Variants in NFKBIZ observed in about 807,000 individuals in gnomAD.
NFKBIZ encodes NFKB inhibitor zeta.
A neutral mutation model predicts 76.8 loss-of-function variants in NFKBIZ; 19 were observed. The observed-to-expected ratio is 0.25, with a 90% CI of 0.17 to 0.36. The LOEUF (loss-of-function observed/expected upper bound fraction) is 0.36, where lower values mean the gene tolerates loss of function less well. Ranked by LOEUF, NFKBIZ falls within the 10% of genes least tolerant of loss-of-function variation. The pLI is 1.00. For synonymous variants in NFKBIZ, 368 were observed against 354.8 expected (o/e 1.04, Z -0.42); for missense variants, 829 against 910.9 (o/e 0.91, Z 1.16).
At chr3:101,849,390 A>AT (rs2107410660), upstream of NFKBIZ, 1 of 353,728 alleles carries the variant, frequency 2.8e-6, no homozygotes, top group East Asian at 4.3e-5. Context: ...TTTACTGGAA[A>AT]TCGGACGCAT....
chr3:101,835,249 A>G (rs573326030), intron 2 of NFKBIZ, among the ~76,000 whole-genome samples: 53 of 152,300 alleles, frequency 3.5e-4, no homozygotes, highest in Middle Eastern at 6.8e-3. Context: ...GGTTTGTTTA[A>G]CTTCAGAACC....
chr3:101,853,779 T>C lies in NFKBIZ; in HGVS notation c.1253T>C (p.Phe418Ser). Residue 418 changes from phenylalanine (F) to serine (S), a missense_variant, in exon 5 of 12, where the codon TTT becomes TCT. Physicochemically the swap from Phe to Ser is radical, Grantham distance 155. Transcript: ENST00000326172. ...MNTTQLGKSL[F>S]QWQVEQEESK... ...ACCACACAGTTAGGGAAATCACTTT[T>C]TCAGTGGCAGGTGGAGCAGGAAGAA... 2 of 1,614,140 alleles carry C rather than the reference T, an allele frequency of 1.2e-6. No homozygotes were observed. Among genetic ancestry groups the C allele is most frequent in the Non-Finnish European group, 1.7e-6 (2 of 1,180,034 alleles).
In NFKBIZ at chr3:101,853,734, A is replaced by G; in HGVS notation, c.1208A>G (p.Asn403Ser). 1 of 1,614,256 alleles carries G rather than the reference A, an allele frequency of 6.2e-7. No individual in the cohort carries two copies. The highest frequency in any genetic ancestry group is 1.7e-5 in the Admixed American group (1 of 60,034). ...DSSNTSLPFS[N>S]MGNPMNTTQL... Reference sequence around the variant, plus strand: ...TCAAACACTTCACTGCCATTCTCAAACATGGGAAATCCAATGAACACCACA... The same window carrying G: ...TCAAACACTTCACTGCCATTCTCAAGCATGGGAAATCCAATGAACACCACA... Residue 403 changes from asparagine to serine, a missense_variant, in exon 5 of 12, where the codon AAC becomes AGC. Physicochemically the swap from Asn to Ser is conservative, Grantham distance 46. Transcript: ENST00000326172.
intron 2 of NFKBIZ, chr3:101,829,709 T>C (rs1281073730): frequency 2.0e-5 from 3 of 152,164 alleles, no homozygotes; most frequent in Non-Finnish European, 4.4e-5. Flanking sequence ...CTGATATTTC[T>C]AAACAAGTAG....
In NFKBIZ at chr3:101,860,753, A is replaced by G. The variant is rs1431641355; in HGVS notation, c.*1382A>G. On this transcript the variant is annotated 3_prime_UTR_variant, in exon 12 of 12. Transcript: ENST00000326172. ...GGAATGTATTTGGCTTTGATTACAC[A>G]CTAAGTTTTTGTAATAAATTTGACT... 6.6e-6 allele frequency: 1 copy of G among 151,438 alleles called. No homozygotes were observed. Among genetic ancestry groups the G allele is most frequent in the Non-Finnish European group, 1.5e-5 (1 of 67,904 alleles). The allele number at this position is 151,438 out of a possible 1,614,324, so 9.4% of individuals were successfully genotyped here.
In NFKBIZ at chr3:101,849,877, G is replaced by C; in HGVS notation, c.249G>C (p.Glu83Asp). 6.9e-7 allele frequency: 1 copy of C among 1,452,764 alleles called. No homozygotes were observed. The highest frequency in any genetic ancestry group is 9.0e-7 in the Non-Finnish European group (1 of 1,110,746). 90.0% of individuals were successfully genotyped at this position (1,452,764 alleles called of 1,614,324 possible). Residue 83 changes from glutamate to aspartate, a missense_variant, in exon 1 of 12, where the codon GAG (glutamate) becomes GAC (aspartate). By Grantham distance (45) the Glu-to-Asp change is conservative. Transcript: ENST00000326172. ...ASSVSSCGAV[E>D]SRSRGGARAE... ...CGGTGTCCTCCTGCGGCGCCGTGGA[G>C]TCCCGGTCGAGAGGCGGCGCCCGCG... is the stretch of plus-strand genomic sequence containing the variant.
At chr3:101,855,506 A>T in intron 8 of NFKBIZ, 48 bp downstream of exon 8, 1 of 1,541,172 alleles carries the variant, frequency 6.5e-7, no homozygotes, top group African/African-American at 1.4e-5. Context: ...AGGGGGAACC[A>T]TAAGGTCTAA....
At chr3:101,835,314 T>C (rs1381888445) in intron 2 of NFKBIZ, among the ~76,000 whole-genome samples, 1 of 152,206 alleles carries the variant, frequency 6.6e-6, no homozygotes. Context: ...CTAGCTTGGG[T>C]AAAAATTTGG....
chr3:101,848,353 G>A (rs776925859), upstream of NFKBIZ, among the ~76,000 whole-genome samples: 2 of 152,080 alleles, frequency 1.3e-5, no homozygotes, highest in Admixed American at 6.5e-5. Context: ...TTAATTCTTT[G>A]CTCTTGTTCT....
chr3:101,839,158 C>T (rs1457214694), intron 2 of NFKBIZ, among the ~76,000 whole-genome samples: 1 of 152,120 alleles, frequency 6.6e-6, no homozygotes, highest in South Asian at 2.1e-4. Context: ...ACACTACTGT[C>T]CTTGTTTACA....
chr3:101,857,056 C>A lies in NFKBIZ; in HGVS notation c.1825-17C>A. ...GGATTTTTTTTTTTTTTTTTCCTCC[C>A]TCTTGCCTTTGACAAGGATCGCAAA... On this transcript the variant is annotated splice_polypyrimidine_tract_variant and intron_variant, in intron 9 of 11. Transcript: ENST00000326172. The A allele has an allele frequency of 6.4e-7, 1 of 1,562,328 alleles. No individual in the cohort carries two copies. Among genetic ancestry groups the A allele is most frequent in the Non-Finnish European group, 8.7e-7 (1 of 1,143,006 alleles).
chr3:101,857,015 C>A, intron 9 of NFKBIZ, 58 bp from the exon 10 acceptor site: 1 of 1,252,668 alleles, frequency 8.0e-7, no homozygotes, highest in Non-Finnish European at 1.1e-6. Flanking sequence ...AAAGTGTATT[C>A]TGAGGCATAG....
Position 101,839,809 on chromosome 3 carries a change from A to C in NFKBIZ, c.-12+10121A>C, listed in dbSNP as rs1304669706. Among the ~76,000 whole-genome samples, 3 of 152,170 alleles carry C rather than the reference A, an allele frequency of 2.0e-5. No homozygotes were observed. The East Asian group carries it at 5.8e-4, about 29-fold the overall frequency. ...CTTAAAAAGTAAATATTACCAGGAA[A>C]AGTAACAGTTATCATTTATTTGTAG... On this transcript the variant is annotated intron_variant, in intron 2 of 12. Coordinates refer to the NFKBIZ transcript ENST00000394054.
intron 9 of NFKBIZ, 101 bp downstream of exon 9, chr3:101,856,003 T>TC: frequency 8.4e-7 from 1 of 1,193,284 alleles, no homozygotes; most frequent in Non-Finnish European, 1.2e-6. Flanking sequence ...TTCTTTTTTT[T>TC]CTGAAATTAA....
upstream of NFKBIZ, chr3:101,849,457 G>A: frequency 2.1e-6 from 1 of 474,248 alleles, no homozygotes; most frequent in Non-Finnish European, 3.3e-6. Flanking sequence ...CCGGGCGCCG[G>A]GGAGGTCGGC....
At chr3:101,834,430 G>T (rs1942688279) in intron 2 of NFKBIZ, among the ~76,000 whole-genome samples, 1 of 151,676 alleles carries the variant, frequency 6.6e-6, no homozygotes, top group African/African-American at 2.4e-5. Flanking sequence ...GCTCTATCTT[G>T]GCTCACTACA....
upstream of NFKBIZ, among the ~76,000 whole-genome samples, chr3:101,846,529 TG>T (rs1942855300): frequency 6.6e-6 from 1 of 152,240 alleles, no homozygotes; most frequent in Non-Finnish European, 1.5e-5. Context: ...TTGACCATCT[TG>T]GTCTAGATTA....
upstream of NFKBIZ, among the ~76,000 whole-genome samples, chr3:101,847,272 T>G (rs1277712777): frequency 6.6e-6 from 1 of 152,264 alleles, no homozygotes; most frequent in Non-Finnish European, 1.5e-5. Flanking sequence ...ATTTGGAGCA[T>G]CTTTTAAATG....
intron 2 of NFKBIZ, among the ~76,000 whole-genome samples, chr3:101,831,296 T>C (rs983242282): frequency 2.0e-5 from 3 of 152,232 alleles, no homozygotes; most frequent in African/African-American, 7.2e-5. Context: ...ATAATAGATA[T>C]ACAGTATATC....
Sources: allele counts gnomAD v4.1 joint callset (sites outside exome capture counted in the v4.1 genomes callset), GRCh38; gene constraint gnomAD v4.1.1; transcripts MANE v1.5; gene names NCBI Gene and HGNC (gene_info 2026-07-23, HGNC 2026-07-21).